The following JPH2 variants were observed in gnomAD, a reference collection of about 807,000 sequenced individuals.
JPH2 encodes the protein junctophilin 2.
In JPH2, 38 loss-of-function variants were observed where a neutral mutation model predicts 55.9. That is an observed-to-expected ratio of 0.68 (90% CI 0.52 to 0.89). JPH2 has a LOEUF of 0.89. Ranked by LOEUF, JPH2 falls within the 40% of genes least tolerant of loss-of-function variation. JPH2 has a pLI of 0.00. For synonymous variants in JPH2, 480 were observed against 472.4 expected, an observed-to-expected ratio of 1.02 and a Z score of -0.21; for missense variants, 964 against 1,037.6, an observed-to-expected ratio of 0.93 and a Z score of 0.97.
chr20:44,126,168 G>GGAAGGAAGGAAGGA lies in JPH2; in HGVS notation c.1170-7546_1170-7545insTCCTTCCTTCCTTC, dbSNP rs1555854537. Among the ~76,000 whole-genome samples the GGAAGGAAGGAAGGA allele has an allele frequency of 5.0e-3, 180 of 36,326 alleles. 3 individuals are homozygous for GGAAGGAAGGAAGGA. The highest frequency in any genetic ancestry group is 6.3e-3 in the African/African-American group (57 of 9,070). 23.8% of individuals were successfully genotyped at this position (36,326 alleles called of 152,430 possible). A position where few individuals can be genotyped will look rare whatever the true frequency, so the allele number is the denominator to read the frequency against. ...GGAGGGAGGGAGGGAGGGAGGGAGG[G>GGAAGGAAGGAAGGA]AGGAAGGAAGGAAGGAAGGAAGGGA... On this transcript the variant is annotated intron_variant, in intron 2 of 5. Coordinates refer to ENST00000372980, the MANE Select transcript of JPH2 (RefSeq NM_020433.5).
At chr20:44,134,190 T>TATAAATATATAAA (rs2072360542) in intron 2 of JPH2, among the ~76,000 whole-genome samples, 2 of 12,958 alleles carry the variant, frequency 1.5e-4, no homozygotes, top group African/African-American at 6.3e-4. Context: ...ATATAAATAT[T>TATAAATATATAAA]TATTATAAAT....
intron 1 of JPH2, among the ~76,000 whole-genome samples, chr20:44,164,015 A>G (rs2072635522): frequency 6.6e-6 from 1 of 152,244 alleles, no homozygotes; most frequent in South Asian, 2.1e-4. Flanking sequence ...ATAGAGGAAG[A>G]TGCAAATATG....
chr20:44,145,363 G>A (rs978512700), intron 2 of JPH2, among the ~76,000 whole-genome samples: 2 of 152,170 alleles, frequency 1.3e-5, no homozygotes, highest in South Asian at 4.1e-4. Flanking sequence ...CCAACACTTT[G>A]GGAGGCCGAG....
chr20:44,158,780 C>T (rs552123604), intron 2 of JPH2, among the ~76,000 whole-genome samples: 1 of 150,946 alleles, frequency 6.6e-6, no homozygotes, highest in Non-Finnish European at 1.5e-5. Context: ...GATGACCAGG[C>T]GGGTGGGTGG....
intron 2 of JPH2, among the ~76,000 whole-genome samples, chr20:44,129,573 A>ACC (rs1555854978): frequency 8.9e-6 from 1 of 112,502 alleles, no homozygotes; most frequent in South Asian, 3.3e-4. Flanking sequence ...AAAAAAACAA[A>ACC]AAAAACAAAA....
chr20:44,146,226 G>C (rs551243135), intron 2 of JPH2, among the ~76,000 whole-genome samples: 5 of 152,076 alleles, frequency 3.3e-5, no homozygotes, highest in African/African-American at 9.6e-5. Context: ...GTAGAGACAG[G>C]GTTTCACCGT....
At chr20:44,170,912 C>T (rs1427653818) in intron 1 of JPH2, among the ~76,000 whole-genome samples, 1 of 152,222 alleles carries the variant, frequency 6.6e-6, no homozygotes, top group Admixed American at 6.5e-5. Context: ...CACTGCGATA[C>T]TCCTTAATTC....
chr20:44,134,112 TAA>T (rs1321187684), intron 2 of JPH2, among the ~76,000 whole-genome samples: 1 of 15,612 alleles, frequency 6.4e-5, no homozygotes, highest in African/African-American at 3.0e-4. Context: ...TATAAATATA[TAA>T]ATAAATATTT....
Position 44,186,870 on chromosome 20 carries a change from G to A in JPH2, c.-165C>T. The A allele has an allele frequency of 1.4e-6, 1 of 701,312 alleles. No individual in the cohort carries two copies. Among genetic ancestry groups the A allele is most frequent in the Non-Finnish European group, 2.4e-6 (1 of 424,586 alleles). The allele number at this position is 701,312 out of a possible 1,614,324, so 43.4% of individuals were successfully genotyped here. On this transcript the variant is annotated 5_prime_UTR_variant, in exon 1 of 6. Coordinates refer to ENST00000372980, the MANE Select transcript of JPH2 (RefSeq NM_020433.5). ...GCCAGCAGAGGCTGAAAGAGCCCCGGCGCCAAGTCAGCACCGGGTCGGCTA... is the reference window on the plus strand; with the variant it reads ...GCCAGCAGAGGCTGAAAGAGCCCCGACGCCAAGTCAGCACCGGGTCGGCTA...
intron 2 of JPH2, among the ~76,000 whole-genome samples, chr20:44,158,033 G>A (rs1377461206): frequency 6.6e-6 from 1 of 152,192 alleles, no homozygotes; most frequent in Non-Finnish European, 1.5e-5. Flanking sequence ...ACCTTTTCAG[G>A]ATCTTGTAAG....
chr20:44,137,213 G>C (rs927861347), intron 2 of JPH2, among the ~76,000 whole-genome samples: 1 of 152,112 alleles, frequency 6.6e-6, no homozygotes, highest in Admixed American at 6.6e-5. Flanking sequence ...GGAGCCTGCT[G>C]ACTTAGCTCT....
chr20:44,120,723 G>A (rs376464045), intron 2 of JPH2, among the ~76,000 whole-genome samples: 5 of 152,080 alleles, frequency 3.3e-5, no homozygotes, highest in East Asian at 1.9e-4. Context: ...TAACACTAAC[G>A]ATAGCTGATA....
Position 44,115,992 on chromosome 20 carries a change from C to T in JPH2, c.1683G>A (p.Ala561=). The part of the protein sequence containing the change: ...PPAPSREPEV[A]LYQGYHSYAV... ...CATAGCTGTGGTAGCCCTGGTAAAG[C>T]GCCACCTCCGGCTCCCGCGACGGCG... is the stretch of plus-strand genomic sequence containing the variant. The change falls in exon 4 of 6, where the codon GCG becomes GCA. Residue 561 remains alanine (A), a synonymous_variant. Coordinates refer to ENST00000372980, the MANE Select transcript of JPH2 (RefSeq NM_020433.5). The T allele has an allele frequency of 1.3e-6, 2 of 1,578,504 alleles. No individual in the cohort carries two copies. Among genetic ancestry groups the T allele is most frequent in the Non-Finnish European group, 1.7e-6 (2 of 1,170,398 alleles).
intron 5 of JPH2, among the ~76,000 whole-genome samples, chr20:44,114,030 C>T (rs1391582187): frequency 6.6e-6 from 1 of 152,264 alleles, no homozygotes; most frequent in East Asian, 1.9e-4. Flanking sequence ...AGGCAGAAAC[C>T]CTGTTATTAT....
At position 44,141,855 on chromosome 20, in the gene JPH2, A is replaced by G. The variant is rs2072458996; in HGVS notation, c.1169+17763T>C. On this transcript the variant is annotated intron_variant, in intron 2 of 5. Coordinates refer to ENST00000372980, the MANE Select transcript of JPH2 (RefSeq NM_020433.5). ...CAGCTGAGCACAGTTCTAACTACACAATCCTCAAGGATAGCACCAGGACCC... is the reference window on the plus strand; with the variant it reads ...CAGCTGAGCACAGTTCTAACTACACGATCCTCAAGGATAGCACCAGGACCC... Among the ~76,000 whole-genome samples, 3 of 152,232 alleles carry G rather than the reference A, an allele frequency of 2.0e-5. No individual in the cohort carries two copies. In the South Asian group the frequency reaches 6.2e-4, roughly 32 times the overall value.
At chr20:44,166,214 A>G (rs2072654875) in intron 1 of JPH2, among the ~76,000 whole-genome samples, 1 of 152,182 alleles carries the variant, frequency 6.6e-6, no homozygotes, top group Non-Finnish European at 1.5e-5. Context: ...GAGGTATTTT[A>G]TGGTTCCTGT....
At position 44,134,004 on chromosome 20, in the gene JPH2, AATAT is replaced by A. The variant is rs1171144906; in HGVS notation, c.1170-15385_1170-15382del. Among the ~76,000 whole-genome samples, 4 of 30,742 alleles carry A rather than the reference AATAT, an allele frequency of 1.3e-4. 2 individuals carry two copies. The highest frequency in any genetic ancestry group is 2.7e-4 in the African/African-American group (2 of 7,436). The allele number at this position is 30,742 out of a possible 152,430, so 20.2% of individuals were successfully genotyped here. On this transcript the variant is annotated intron_variant, in intron 2 of 5. Coordinates refer to ENST00000372980, the MANE Select transcript of JPH2 (RefSeq NM_020433.5). ...ATATATATTATTATAAATATATATA[AATAT>A]ATATATTATAAATATATATAAATAT...
At position 44,146,836 on chromosome 20, in the gene JPH2, G is replaced by A. The variant is rs2072497106; in HGVS notation, c.1169+12782C>T. 2.0e-5 allele frequency among the ~76,000 whole-genome samples: 3 copies of A among 152,216 alleles called. No individual in the cohort carries two copies. In the South Asian group the frequency reaches 6.2e-4, roughly 32 times the overall value. On this transcript the variant is annotated intron_variant, in intron 2 of 5. Transcript: ENST00000372980. ...CATAGCTCCAGCAGCAAGGGTGTGA[G>A]GAAGACTGCGCTCATGTACACTGTT... is the stretch of plus-strand genomic sequence containing the variant.
intron 2 of JPH2, among the ~76,000 whole-genome samples, chr20:44,148,815 G>C (rs1421231732): frequency 1.3e-5 from 2 of 152,122 alleles, no homozygotes; most frequent in South Asian, 4.1e-4. Context: ...TGTAATCCCA[G>C]CACTTTGGGA....
Sources: gnomAD v4.1 joint callset for allele counts (sites outside exome capture counted in the v4.1 genomes callset) on GRCh38, gnomAD v4.1.1 for gene constraint, MANE v1.5 for transcripts, NCBI Gene and HGNC (gene_info 2026-07-23, HGNC 2026-07-21) for gene names.